Variants in PLB1 observed in about 807,000 individuals in gnomAD.
The protein encoded by PLB1 is phospholipase B1.
PLB1 carries 242 observed loss-of-function variants against 227.4 expected under a neutral mutation model. The observed-to-expected ratio is 1.06, with a 90% confidence interval of 0.96 to 1.18. PLB1 has a LOEUF of 1.18. Among genes scored for constraint, PLB1 ranks in the 50% most tolerant of loss-of-function variants. The pLI is 0.00. For synonymous variants in PLB1, 757 were observed against 682.2 expected (o/e 1.11, Z -1.71); for missense variants, 1,858 against 1,816.3 (o/e 1.02, Z -0.42).
chr2:28,606,668 G>T, intron 43 of PLB1, 101 bp downstream of exon 43: 4 of 1,091,500 alleles, frequency 3.7e-6, no homozygotes, highest in South Asian at 2.5e-5. Context: ...TACCCATCTT[G>T]CCCCCTTACT....
At chr2:28,523,546 C>T (rs1009849271) in intron 4 of PLB1, among the ~76,000 whole-genome samples, 17 of 151,860 alleles carry the variant, frequency 1.1e-4, no homozygotes, top group South Asian at 4.2e-4. Context: ...ACGATGGGGA[C>T]GTGGAGTTTG....
intron 17 of PLB1, among the ~76,000 whole-genome samples, chr2:28,555,468 T>A (rs1045452158): frequency 5.3e-5 from 8 of 152,218 alleles, no homozygotes; most frequent in African/African-American, 1.7e-4. Flanking sequence ...GACTGAACAT[T>A]CTAACTATCC....
chr2:28,630,715 C>A (rs1688499812), intron 54 of PLB1, 51 bp downstream of exon 54: 1 of 1,468,488 alleles, frequency 6.8e-7, no homozygotes, highest in South Asian at 1.2e-5. Context: ...GCCCCCTGTA[C>A]TCCAAGGACT....
At chr2:28,586,842 G>A (rs1282479261) in intron 26 of PLB1, among the ~76,000 whole-genome samples, 1 of 152,278 alleles carries the variant, frequency 6.6e-6, no homozygotes, top group East Asian at 1.9e-4. Flanking sequence ...TGACCTCCAA[G>A]CCTCAAGTGA....
At chr2:28,503,821 A>G (rs1667362222) in intron 1 of PLB1, among the ~76,000 whole-genome samples, 1 of 152,180 alleles carries the variant, frequency 6.6e-6, no homozygotes, top group African/African-American at 2.4e-5. Context: ...TGCTGCTTCT[A>G]TGAGTCAATG....
At chr2:28,604,599 C>T in intron 40 of PLB1, 56 bp from the exon 41 acceptor site, 1 of 1,475,954 alleles carries the variant, frequency 6.8e-7, no homozygotes, top group Non-Finnish European at 9.4e-7. Flanking sequence ...TCTTGCCTCA[C>T]TGGGTCCTGG....
intron 39 of PLB1, 57 bp from the exon 40 acceptor site, chr2:28,603,909 C>T (rs996551616): frequency 6.6e-7 from 1 of 1,523,860 alleles, no homozygotes; most frequent in African/African-American, 1.4e-5. Context: ...GCAATCAGAA[C>T]CAGCCCCTGA....
At chr2:28,585,513 G>T in intron 25 of PLB1, 1 of 410,328 alleles carries the variant, frequency 2.4e-6, no homozygotes, top group East Asian at 4.9e-5. Context: ...CTGACCTCAA[G>T]TGATCCACCC....
intron 14 of PLB1, chr2:28,548,417 A>AT (rs1673633559): frequency 8.8e-6 from 3 of 340,470 alleles, no homozygotes; most frequent in Non-Finnish European, 1.9e-5. Flanking sequence ...GCCAAGCTGG[A>AT]TAACCGGCCC....
rs773909974 is a variant in PLB1 at position 28,552,942 on chromosome 2, G to A, written c.1098G>A (p.Ala366=). The A allele has an allele frequency of 1.7e-5, 28 of 1,613,860 alleles. No individual in the cohort carries two copies. In the East Asian group the frequency reaches 2.5e-4, roughly 14 times the overall value. ...PQDKLEVREG[A]EIRCPDKDPS... ...TCTCATTTCAGGTAAGAGAAGGAGC[G>A]GAAATCAGATGTCCTGACAAAGACC... is the stretch of plus-strand genomic sequence containing the variant. The change falls in exon 17 of 58, where the codon GCG becomes GCA. Residue 366 remains alanine (A), a synonymous_variant. Coordinates refer to ENST00000327757, the MANE Select transcript of PLB1 (RefSeq NM_153021.5).
chr2:28,560,683 T>TA lies in PLB1; in HGVS notation c.1148-2356dup, dbSNP rs537307220. 2.7e-4 allele frequency among the ~76,000 whole-genome samples: 41 copies of TA among 152,272 alleles called. No individual in the cohort carries two copies. In the East Asian group the frequency reaches 7.3e-3, roughly 27 times the overall value. ...GAATATATTGATAGATGCTACAACATAATTGAACCTTGAAAACATTATGCA... is the reference window on the plus strand; with the variant it reads ...GAATATATTGATAGATGCTACAACATAAATTGAACCTTGAAAACATTATGCA... On this transcript the variant is annotated intron_variant, in intron 17 of 57. Coordinates refer to ENST00000327757, the MANE Select transcript of PLB1 (RefSeq NM_153021.5).
intron 33 of PLB1, 113 bp downstream of exon 33, chr2:28,593,867 GC>G: frequency 1.1e-6 from 1 of 949,762 alleles, no homozygotes; most frequent in South Asian, 1.4e-5. Context: ...TCTGGAAGGG[GC>G]TTTCAGAAAG....
intron 49 of PLB1, 103 bp from the exon 50 acceptor site, chr2:28,624,954 C>T: frequency 9.3e-7 from 1 of 1,069,888 alleles, no homozygotes. Flanking sequence ...GTACTGGTAA[C>T]ATCATTCTTC....
Position 28,509,553 on chromosome 2 carries a change from C to T in PLB1, c.56-7255C>T, listed in dbSNP as rs187654347. 6.6e-4 allele frequency among the ~76,000 whole-genome samples: 101 copies of T among 152,270 alleles called. No individual in the cohort carries two copies. In the Middle Eastern group the frequency reaches 0.014, roughly 21 times the overall value. On this transcript the variant is annotated intron_variant, in intron 1 of 57. Transcript: ENST00000327757. ...CCATGGTGCTTTGTTGGTTCCAGAC[C>T]CCAGTGGTCACAGCCCTGTCCAACT...
intron 17 of PLB1, among the ~76,000 whole-genome samples, chr2:28,562,792 T>C (rs945499382): frequency 2.0e-5 from 3 of 152,052 alleles, no homozygotes; most frequent in African/African-American, 7.3e-5. Flanking sequence ...TAAAGCAGGA[T>C]CCACCTTTCA....
At chr2:28,632,776 AAAAG>A (rs771813831) in intron 55 of PLB1, among the ~76,000 whole-genome samples, 164 bp from the exon 56 acceptor site, 1 of 152,200 alleles carries the variant, frequency 6.6e-6, no homozygotes, top group Non-Finnish European at 1.5e-5. Context: ...AAAAAAGAAA[AAAAG>A]AAATTCTAAA....
intron 21 of PLB1, 102 bp from the exon 22 acceptor site, chr2:28,578,004 AC>A (rs756420448): frequency 7.8e-5 from 91 of 1,172,220 alleles, no homozygotes; most frequent in Admixed American, 5.5e-5. Flanking sequence ...CAGGAGGCCC[AC>A]CCTGGGCCTT....
At chr2:28,502,592 G>T (rs987466800) in intron 1 of PLB1, among the ~76,000 whole-genome samples, 1 of 152,170 alleles carries the variant, frequency 6.6e-6, no homozygotes, top group Non-Finnish European at 1.5e-5. Context: ...GTTGATCATG[G>T]TGTATCTCTT....
chr2:28,570,837 C>T (rs1017717194), intron 20 of PLB1, among the ~76,000 whole-genome samples: 1 of 152,032 alleles, frequency 6.6e-6, no homozygotes, highest in Admixed American at 6.6e-5. Context: ...AGGAAAATTC[C>T]TCATTCTGAT....
Sources: allele counts gnomAD v4.1 joint callset (sites outside exome capture counted in the v4.1 genomes callset), GRCh38; gene constraint gnomAD v4.1.1; transcripts MANE v1.5; gene names NCBI Gene and HGNC (gene_info 2026-07-23, HGNC 2026-07-21).